Variants in DLG2 observed in about 807,000 individuals in gnomAD.
DLG2 encodes discs large MAGUK scaffold protein 2, also known as disks large homolog 2.
DLG2 carries 45 observed loss-of-function variants against 132.5 expected under a neutral mutation model. The observed-to-expected ratio is 0.34, with a 90% confidence interval of 0.27 to 0.44. The LOEUF is 0.44. Ranked by LOEUF, DLG2 falls within the 20% of genes least tolerant of loss-of-function variation. DLG2 has a pLI of 1.00. For missense variants in DLG2, 1,045 were observed against 1,196.9 expected (o/e 0.87, Z 1.87); for synonymous variants, 424 against 419.6 (o/e 1.01, Z -0.13).
intron 15 of DLG2, among the ~76,000 whole-genome samples, chr11:83,875,597 T>C (rs1205292726): frequency 1.3e-5 from 2 of 152,200 alleles, no homozygotes; most frequent in East Asian, 3.8e-4. Flanking sequence ...GGCACAATAA[T>C]AATAATTCAA....
At chr11:84,106,384 G>GA (rs1371151522) in intron 9 of DLG2, among the ~76,000 whole-genome samples, 2 of 152,112 alleles carry the variant, frequency 1.3e-5, no homozygotes, top group African/African-American at 4.8e-5. Flanking sequence ...CTATTACTAG[G>GA]ATGTGAAGGT....
chr11:85,101,675 A>G (rs1029437855), intron 6 of DLG2, among the ~76,000 whole-genome samples: 2 of 152,090 alleles, frequency 1.3e-5, no homozygotes, highest in Admixed American at 6.6e-5. Flanking sequence ...TTGAATCACC[A>G]TATTCTATTA....
intron 3 of DLG2, among the ~76,000 whole-genome samples, chr11:85,390,010 A>G (rs1244607556): frequency 1.3e-5 from 2 of 152,176 alleles, no homozygotes; most frequent in Admixed American, 6.5e-5. Context: ...TCACATCTCC[A>G]TACTAACACT....
intron 3 of DLG2, among the ~76,000 whole-genome samples, chr11:85,296,688 G>A (rs1160628917): frequency 6.6e-6 from 1 of 151,094 alleles, no homozygotes; most frequent in African/African-American, 2.4e-5. Flanking sequence ...CCAAAAGGAT[G>A]AATTTAAATG....
chr11:84,600,881 G>A (rs2099575260), intron 6 of DLG2, among the ~76,000 whole-genome samples: 1 of 152,132 alleles, frequency 6.6e-6, no homozygotes, highest in Non-Finnish European at 1.5e-5. Context: ...CTCAAAACTG[G>A]TACATGGTAG....
chr11:85,355,510 T>C (rs1200264721), intron 3 of DLG2, among the ~76,000 whole-genome samples: 3 of 152,170 alleles, frequency 2.0e-5, no homozygotes, highest in Non-Finnish European at 2.9e-5. Flanking sequence ...TTAAAAGAAA[T>C]AAATGGTCTA....
chr11:83,748,889 T>C (rs2093109631), intron 18 of DLG2, among the ~76,000 whole-genome samples: 1 of 152,226 alleles, frequency 6.6e-6, no homozygotes, highest in Non-Finnish European at 1.5e-5. Flanking sequence ...TTTTTTGCCA[T>C]TTGAAATGAA....
At chr11:84,723,872 T>C (rs2062103235) in intron 6 of DLG2, among the ~76,000 whole-genome samples, 1 of 152,158 alleles carries the variant, frequency 6.6e-6, no homozygotes, top group Non-Finnish European at 1.5e-5. Flanking sequence ...CTATTAAGCA[T>C]TTCTCCTAAT....
At chr11:85,474,992 C>T (rs1565547925) in intron 3 of DLG2, among the ~76,000 whole-genome samples, 1 of 150,954 alleles carries the variant, frequency 6.6e-6, no homozygotes, top group Non-Finnish European at 1.5e-5. Flanking sequence ...GAAAAGGTAA[C>T]AAAGAGTAGA....
intron 3 of DLG2, among the ~76,000 whole-genome samples, chr11:85,496,815 AC>A (rs1344386007): frequency 6.6e-6 from 1 of 152,174 alleles, no homozygotes; most frequent in Non-Finnish European, 1.5e-5. Context: ...TCAAACTCCA[AC>A]AGACCTGCAG....
chr11:84,058,629 A>G (rs1566267618), intron 11 of DLG2, among the ~76,000 whole-genome samples: 1 of 151,234 alleles, frequency 6.6e-6, no homozygotes, highest in Non-Finnish European at 1.5e-5. Context: ...TGAGGCTTCA[A>G]TGAGTCATGA....
intron 3 of DLG2, among the ~76,000 whole-genome samples, chr11:85,544,601 AT>A (rs1239724168): frequency 3.9e-5 from 6 of 152,158 alleles, no homozygotes; most frequent in African/African-American, 1.4e-4. Flanking sequence ...CATTTTCACA[AT>A]ATTGATTCTT....
intron 7 of DLG2, among the ~76,000 whole-genome samples, chr11:84,481,416 C>T (rs559925619): frequency 1.3e-5 from 2 of 152,222 alleles, no homozygotes; most frequent in East Asian, 3.9e-4. Flanking sequence ...GTAAATGTTG[C>T]TATTTCCTCT....
At chr11:83,689,944 A>T (rs1176456733) in intron 18 of DLG2, among the ~76,000 whole-genome samples, 1 of 140,408 alleles carries the variant, frequency 7.1e-6, no homozygotes, top group Non-Finnish European at 1.5e-5. Context: ...TATAATATAT[A>T]TTATATATAT....
At chr11:85,541,971 G>A (rs2076002227) in intron 3 of DLG2, among the ~76,000 whole-genome samples, 1 of 152,102 alleles carries the variant, frequency 6.6e-6, no homozygotes. Context: ...AAGCCTCACA[G>A]ACTTCTCAGC....
intron 6 of DLG2, among the ~76,000 whole-genome samples, chr11:84,949,512 G>T (rs2050655567): frequency 7.2e-6 from 1 of 139,212 alleles, no homozygotes; most frequent in South Asian, 2.7e-4. Context: ...ATAAGAGACA[G>T]GTACACCCTG....
intron 8 of DLG2, among the ~76,000 whole-genome samples, chr11:84,210,392 G>C (rs187710356): frequency 9.2e-5 from 12 of 130,978 alleles, no homozygotes; most frequent in African/African-American, 1.4e-4. Context: ...GTGGTGGGGT[G>C]GGGGGAGCGG....
At chr11:85,613,156 C>T (rs2081116306) in intron 2 of DLG2, among the ~76,000 whole-genome samples, 1 of 152,220 alleles carries the variant, frequency 6.6e-6, no homozygotes, top group Admixed American at 6.5e-5. Context: ...GGTCCCATGG[C>T]AGCCATCTTG....
chr11:85,512,694 G>T (rs946017012), intron 3 of DLG2, among the ~76,000 whole-genome samples: 2 of 152,006 alleles, frequency 1.3e-5, no homozygotes, highest in Non-Finnish European at 2.9e-5. Flanking sequence ...AAAAATAACA[G>T]ATGTTGGTGA....
Sources: gnomAD v4.1 joint callset for allele counts (sites outside exome capture counted in the v4.1 genomes callset) on GRCh38, gnomAD v4.1.1 for gene constraint, MANE v1.5 for transcripts, NCBI Gene and HGNC (gene_info 2026-07-23, HGNC 2026-07-21) for gene names.